Variants in TMEM117 observed in about 807,000 individuals in gnomAD.
TMEM117 encodes the protein transmembrane protein 117.
TMEM117 carries 27 observed loss-of-function variants against 52.4 expected under a neutral mutation model. That is an observed-to-expected ratio of 0.51 (90% CI 0.38 to 0.71). The LOEUF is 0.71. Ranked by LOEUF, TMEM117 falls within the 30% of genes least tolerant of loss-of-function variation. The pLI, the probability that TMEM117 is intolerant of heterozygous loss-of-function variation, is 0.00. For missense variants in TMEM117, 556 were observed against 630.5 expected (o/e 0.88, Z 1.26); for synonymous variants, 215 against 206.3 (o/e 1.04, Z -0.36).
chr12:43,903,179 A>T (rs1013392719), intron 2 of TMEM117, among the ~76,000 whole-genome samples: 1 of 152,162 alleles, frequency 6.6e-6, no homozygotes, highest in Non-Finnish European at 1.5e-5. Flanking sequence ...TATTGTATAT[A>T]TTTTTTGGGT....
intron 5 of TMEM117, among the ~76,000 whole-genome samples, chr12:44,216,056 G>A (rs544147577): frequency 7.4e-6 from 1 of 135,408 alleles, no homozygotes; most frequent in South Asian, 2.3e-4. Flanking sequence ...CACCCAGGCT[G>A]GAGTACAGTG....
chr12:44,182,838 G>C (rs1482028317), intron 4 of TMEM117, among the ~76,000 whole-genome samples: 1 of 152,094 alleles, frequency 6.6e-6, no homozygotes, highest in East Asian at 1.9e-4. Flanking sequence ...CTTGTATGCA[G>C]AAATAACTTC....
chr12:43,831,134 T>G (rs1942978594), upstream of TMEM117, among the ~76,000 whole-genome samples: 1 of 152,242 alleles, frequency 6.6e-6, no homozygotes, highest in Non-Finnish European at 1.5e-5. Context: ...AAGAAAATTA[T>G]GGATCATAAT....
downstream of TMEM117, among the ~76,000 whole-genome samples, chr12:44,392,325 G>A (rs1952164940): frequency 6.6e-6 from 1 of 152,088 alleles, no homozygotes; most frequent in Non-Finnish European, 1.5e-5. Context: ...AATAAAAACA[G>A]CAGTTTTACT....
intron 3 of TMEM117, among the ~76,000 whole-genome samples, chr12:44,024,279 C>T (rs1370319606): frequency 2.0e-5 from 3 of 152,078 alleles, no homozygotes; most frequent in Non-Finnish European, 2.9e-5. Flanking sequence ...TGCTGAGCAG[C>T]AGAAATGCCT....
chr12:43,950,734 CAAAAG>C (rs1425009648), intron 3 of TMEM117, among the ~76,000 whole-genome samples: 1 of 152,004 alleles, frequency 6.6e-6, no homozygotes, highest in Non-Finnish European at 1.5e-5. Context: ...TTTTTTTTCT[CAAAAG>C]AAATATTTTC....
At chr12:43,846,385 G>A (rs1294856001) in intron 2 of TMEM117, among the ~76,000 whole-genome samples, 2 of 152,130 alleles carry the variant, frequency 1.3e-5, no homozygotes, top group African/African-American at 4.8e-5. Context: ...CTTTTACACT[G>A]AAAATGAATT....
At chr12:43,832,070 G>A (rs1020780650), upstream of TMEM117, among the ~76,000 whole-genome samples, 5 of 152,184 alleles carry the variant, frequency 3.3e-5, no homozygotes, top group African/African-American at 1.2e-4. Flanking sequence ...AAGAAATGGA[G>A]TTGTTTGGGC....
intron 3 of TMEM117, among the ~76,000 whole-genome samples, chr12:44,097,095 C>A (rs969880915): frequency 6.6e-6 from 1 of 152,094 alleles, no homozygotes; most frequent in African/African-American, 2.4e-5. Context: ...ATTTATGCAG[C>A]CAAAAAACAC....
At chr12:44,220,681 A>G (rs781636216) in intron 5 of TMEM117, among the ~76,000 whole-genome samples, 6 of 152,116 alleles carry the variant, frequency 3.9e-5, no homozygotes, top group Non-Finnish European at 7.4e-5. Context: ...AATCTGGGGT[A>G]GAGAATATAG....
In TMEM117 at chr12:44,261,157, T is replaced by TA. The variant is rs199834509; in HGVS notation, c.609-38419dup. 8.3e-3 allele frequency among the ~76,000 whole-genome samples: 1,265 copies of TA among 152,260 alleles called. 13 individuals carry two copies. The highest frequency in any genetic ancestry group is 0.029 in the African/African-American group (1,205 of 41,526). On this transcript the variant is annotated intron_variant, in intron 5 of 7. Transcript: ENST00000266534. The stretch of plus-strand genomic sequence containing the variant: ...TCAATTAAAAAATCAATAATGTCTA[T>TA]AAAACAGAAATTATTTATGGAGCAA...
chr12:44,024,741 A>G (rs1170219252), intron 3 of TMEM117, among the ~76,000 whole-genome samples: 1 of 152,122 alleles, frequency 6.6e-6, no homozygotes, highest in Non-Finnish European at 1.5e-5. Flanking sequence ...TTTTCTTAAC[A>G]TAAGGAAAAA....
intron 3 of TMEM117, among the ~76,000 whole-genome samples, chr12:44,092,509 C>T (rs13377946): frequency 0.013 from 1,971 of 151,660 alleles, 47 homozygotes; most frequent in African/African-American, 0.045. Flanking sequence ...GTGTAGAAGA[C>T]ATTACTTTTA....
intron 4 of TMEM117, among the ~76,000 whole-genome samples, chr12:44,161,836 G>A (rs1479689181): frequency 2.6e-5 from 4 of 152,030 alleles, no homozygotes; most frequent in Admixed American, 6.6e-5. Flanking sequence ...TACATGGATA[G>A]GTGTACCAAG....
intron 4 of TMEM117, among the ~76,000 whole-genome samples, chr12:44,196,841 CCTTA>C (rs1393013926): frequency 1.3e-5 from 2 of 152,170 alleles, no homozygotes; most frequent in Non-Finnish European, 1.5e-5. Context: ...TGGCTAGTTC[CCTTA>C]CTTCTTAATC....
At chr12:44,289,332 G>T (rs1303853898) in intron 5 of TMEM117, among the ~76,000 whole-genome samples, 1 of 151,444 alleles carries the variant, frequency 6.6e-6, no homozygotes, top group Non-Finnish European at 1.5e-5. Context: ...TGGCTGTTGT[G>T]AATAATGATG....
intron 3 of TMEM117, among the ~76,000 whole-genome samples, chr12:44,000,304 G>A (rs1946095809): frequency 6.6e-6 from 1 of 152,166 alleles, no homozygotes; most frequent in Non-Finnish European, 1.5e-5. Context: ...GTATGGAACT[G>A]AGGATTTGAA....
intron 2 of TMEM117, among the ~76,000 whole-genome samples, chr12:43,872,792 C>G (rs1475546354): frequency 6.6e-6 from 1 of 152,160 alleles, no homozygotes; most frequent in Non-Finnish European, 1.5e-5. Flanking sequence ...AAAATTCAAC[C>G]AGTCTTTGAA....
At chr12:44,327,697 C>T (rs1951214829) in intron 6 of TMEM117, among the ~76,000 whole-genome samples, 1 of 151,894 alleles carries the variant, frequency 6.6e-6, no homozygotes, top group Non-Finnish European at 1.5e-5. Flanking sequence ...CTTATTGTTA[C>T]ATAGAAATAT....
Sources: allele counts gnomAD v4.1 joint callset (sites outside exome capture counted in the v4.1 genomes callset), GRCh38; gene constraint gnomAD v4.1.1; transcripts MANE v1.5; gene names NCBI Gene and HGNC (gene_info 2026-07-23, HGNC 2026-07-21).